Variants in NEDD8 observed in about 807,000 individuals in gnomAD.
The protein encoded by NEDD8 is ubiquitin-like protein NEDD8.
NEDD8 carries 1 observed loss-of-function variant against 13.8 expected under a neutral mutation model. That is an observed-to-expected ratio of 0.07 (90% CI 0.03 to 0.34). The LOEUF (loss-of-function observed/expected upper bound fraction) is 0.34. NEDD8 is among the 10% of genes least tolerant of loss of function. The probability of loss-of-function intolerance (pLI) is 0.99; values close to 1 mark genes in which losing one functional copy is unlikely to be tolerated. For missense variants in NEDD8, 10 were observed against 95.2 expected, an observed-to-expected ratio of 0.10 and a Z score of 3.73; for synonymous variants, 31 against 33.2, an observed-to-expected ratio of 0.93 and a Z score of 0.23.
At chr14:24,224,254 G>A (rs188692358) in intron 1 of NEDD8, among the ~76,000 whole-genome samples, 221 of 152,084 alleles carry the variant, frequency 1.5e-3, no homozygotes, top group African/African-American at 4.9e-3. Context: ...AGTAGAGATG[G>A]GGTTTCACCA....
At chr14:24,230,658 G>A (rs1026720691) in intron 1 of NEDD8, among the ~76,000 whole-genome samples, 1 of 136,942 alleles carries the variant, frequency 7.3e-6, no homozygotes, top group Non-Finnish European at 1.5e-5. Flanking sequence ...CACTCTTGTC[G>A]CCCAGGCTGG....
In NEDD8 at chr14:24,227,175, C is replaced by G. The variant is rs1324136818; in HGVS notation, c.18+5075G>C. The stretch of plus-strand genomic sequence containing the variant: ...TACAAATGTTTAGATTTTGTAATTA[C>G]ATGAACGTATGCTATTGTCAAAAAC... On this transcript the variant is annotated intron_variant, in intron 1 of 3. Transcript: ENST00000250495. 2.6e-5 allele frequency: 4 copies of G among 152,194 alleles called. No homozygotes were observed. The East Asian group carries it at 7.7e-4, about 29-fold the overall frequency. 9.4% of individuals were successfully genotyped at this position (152,194 alleles called of 1,614,324 possible).
chr14:24,221,374 T>A (rs1189059478), intron 1 of NEDD8, among the ~76,000 whole-genome samples: 1 of 151,260 alleles, frequency 6.6e-6, no homozygotes, highest in East Asian at 1.9e-4. Context: ...CTCGACATAC[T>A]GGGCTCAGGT....
intron 1 of NEDD8, among the ~76,000 whole-genome samples, chr14:24,224,425 G>A (rs1183408826): frequency 6.6e-6 from 1 of 152,114 alleles, no homozygotes; most frequent in African/African-American, 2.4e-5. Context: ...CAAACTTCTG[G>A]CCTCAAGTGA....
intron 3 of NEDD8, among the ~76,000 whole-genome samples, chr14:24,217,493 T>A (rs1008772370): frequency 1.3e-5 from 2 of 152,172 alleles, no homozygotes; most frequent in South Asian, 4.1e-4. Flanking sequence ...TTTCACCATG[T>A]TGGCCAGGCT....
intron 1 of NEDD8, among the ~76,000 whole-genome samples, chr14:24,220,330 AT>A (rs2039785358): frequency 6.6e-6 from 1 of 151,920 alleles, no homozygotes; most frequent in African/African-American, 2.4e-5. Context: ...TTTTCCTTTT[AT>A]TTTTTTAAGA....
intron 1 of NEDD8, among the ~76,000 whole-genome samples, chr14:24,218,965 C>CA (rs1254267676): frequency 6.6e-6 from 1 of 152,130 alleles, no homozygotes; most frequent in East Asian, 1.9e-4. Flanking sequence ...AGGCTGGTCT[C>CA]AAACTCCCAA....
intron 1 of NEDD8, among the ~76,000 whole-genome samples, chr14:24,231,033 G>A (rs1179288936): frequency 1.3e-5 from 2 of 152,138 alleles, no homozygotes; most frequent in Non-Finnish European, 2.9e-5. Context: ...GGGCCTACAG[G>A]CATGCGCCCA....
Position 24,216,933 on chromosome 14 carries a change from C to G in NEDD8, c.*194G>C. On this transcript the variant is annotated 3_prime_UTR_variant, in exon 4 of 4. Coordinates refer to ENST00000250495, the MANE Select transcript of NEDD8 (RefSeq NM_006156.3). ...AGAGGGAAGCACACAGGACTGCAAA[C>G]TAACACCCAGTAGCCAGCAAGGGCC... 3 of 584,070 alleles carry G rather than the reference C, an allele frequency of 5.1e-6. No homozygotes were observed. In the South Asian group the frequency reaches 6.8e-5, roughly 13 times the overall value. 36.2% of individuals were successfully genotyped at this position (584,070 alleles called of 1,614,324 possible).
chr14:24,222,569 A>G (rs1012222048), intron 1 of NEDD8, among the ~76,000 whole-genome samples: 1 of 152,184 alleles, frequency 6.6e-6, no homozygotes, highest in Non-Finnish European at 1.5e-5. Flanking sequence ...TAAGGGTAAG[A>G]TTTTGTAAAG....
In NEDD8 at chr14:24,221,742, C is replaced by A. The variant is rs933804133; in HGVS notation, c.19-3311G>T. 3.9e-5 allele frequency among the ~76,000 whole-genome samples: 6 copies of A among 152,188 alleles called. 1 individual carries two copies. The Middle Eastern group carries it at 0.01, about 259-fold the overall frequency. On this transcript the variant is annotated intron_variant, in intron 1 of 3. Coordinates refer to ENST00000250495, the MANE Select transcript of NEDD8 (RefSeq NM_006156.3). Reference sequence around the variant, plus strand: ...CCTCCCAAGTAGCTGGGACTACAGGCATGCACCACCACACCTGGCTAATTT... The same window carrying A: ...CCTCCCAAGTAGCTGGGACTACAGGAATGCACCACCACACCTGGCTAATTT...
At chr14:24,229,908 T>C (rs1051967845) in intron 1 of NEDD8, among the ~76,000 whole-genome samples, 7 of 151,768 alleles carry the variant, frequency 4.6e-5, no homozygotes, top group Non-Finnish European at 1.0e-4. Context: ...CCGTTTCTAC[T>C]AAAAATACAA....
intron 1 of NEDD8, among the ~76,000 whole-genome samples, chr14:24,219,475 C>CAAAAAA (rs59964484): frequency 6.0e-5 from 2 of 33,378 alleles, no homozygotes; most frequent in East Asian, 8.4e-4. Context: ...AACACCCTCG[C>CAAAAAA]AAAAAAAAAA....
chr14:24,219,862 G>A (rs780473423), intron 1 of NEDD8, among the ~76,000 whole-genome samples: 12 of 152,218 alleles, frequency 7.9e-5, no homozygotes, highest in Admixed American at 2.0e-4. Context: ...CCTCCTGGCC[G>A]GGCACAGTGG....
intron 1 of NEDD8, among the ~76,000 whole-genome samples, chr14:24,224,315 C>T (rs573168179): frequency 1.3e-5 from 2 of 152,174 alleles, no homozygotes; most frequent in East Asian, 1.9e-4. Context: ...CCACCCGCCT[C>T]GGCCTCCCAA....
chr14:24,221,358 C>T (rs1206644788), intron 1 of NEDD8, among the ~76,000 whole-genome samples: 2 of 151,418 alleles, frequency 1.3e-5, no homozygotes, highest in African/African-American at 2.4e-5. Flanking sequence ...CATGGCTCAC[C>T]GCAGCCTCGA....
At chr14:24,217,284 T>TTGC in intron 3 of NEDD8, 61 bp from the exon 4 acceptor site, 3 of 1,270,794 alleles carry the variant, frequency 2.4e-6, no homozygotes, top group Non-Finnish European at 3.3e-6. Context: ...TTTGTTGTTG[T>TTGC]TGTTGTTGTT....
intron 1 of NEDD8, 82 bp from the exon 2 acceptor site, chr14:24,218,513 T>C (rs878974294): frequency 1.6e-5 from 26 of 1,592,072 alleles, no homozygotes; most frequent in Admixed American, 5.0e-5. Flanking sequence ...TGTTGGTCTT[T>C]GGGATCTACT....
intron 1 of NEDD8, among the ~76,000 whole-genome samples, chr14:24,229,638 G>T (rs534821818): frequency 6.6e-6 from 1 of 152,306 alleles, no homozygotes; most frequent in African/African-American, 2.4e-5. Context: ...AAATAGCAAA[G>T]TTTTTGTGCC....
Sources: allele counts gnomAD v4.1 joint callset (sites outside exome capture counted in the v4.1 genomes callset), GRCh38; gene constraint gnomAD v4.1.1; transcripts MANE v1.5; gene names NCBI Gene and HGNC (gene_info 2026-07-23, HGNC 2026-07-21).